PLEKHA5: variants seen among roughly 807,000 people sequenced by gnomAD.
PLEKHA5 encodes pleckstrin homology domain-containing family A member 5.
Under a neutral mutation model 181.9 loss-of-function variants are expected in PLEKHA5, and 55 were observed. The observed-to-expected ratio is 0.30, with a 90% CI of 0.24 to 0.38. PLEKHA5 has a LOEUF of 0.38. PLEKHA5 is among the 10% of genes least tolerant of loss of function. The pLI is 1.00. For missense variants in PLEKHA5, 1,432 were observed against 1,549.5 expected (o/e 0.92, Z 1.27); for synonymous variants, 535 against 529.4 (o/e 1.01, Z -0.15).
intron 3 of PLEKHA5, among the ~76,000 whole-genome samples, chr12:19,211,148 G>T (rs983555805): frequency 1.3e-5 from 2 of 151,978 alleles, no homozygotes; most frequent in Non-Finnish European, 2.9e-5. Context: ...CCAAAGATAT[G>T]AATAAGATAG....
chr12:19,253,808 A>G, intron 3 of PLEKHA5, 132 bp from the exon 4 acceptor site: 2 of 671,722 alleles, frequency 3.0e-6, no homozygotes, highest in Non-Finnish European at 5.2e-6. Flanking sequence ...CGACAAGAAT[A>G]AAACTCCGTC....
At position 19,359,562 on chromosome 12, in the gene PLEKHA5, T is replaced by G; in HGVS notation, c.3483+16T>G. ...CAGCAAAGAGGTAGCGAGATTATTT[T>G]ATGAAAGGTATTCCAAAGGAATAGA... On this transcript the variant is annotated intron_variant, in intron 28 of 31. Transcript: ENST00000429027. 1 of 1,610,470 alleles carries G rather than the reference T, an allele frequency of 6.2e-7. No individual in the cohort carries two copies. The highest frequency in any genetic ancestry group is 8.5e-7 in the Non-Finnish European group (1 of 1,177,086).
At chr12:19,369,656 G>T (rs553835552) in intron 30 of PLEKHA5, 37 bp from the exon 31 acceptor site, 1 of 1,320,428 alleles carries the variant, frequency 7.6e-7, no homozygotes, top group Non-Finnish European at 1.1e-6. Context: ...GTGTCTTAAA[G>T]ATTTTTATCT....
chr12:19,174,069 G>C (rs2046620014), intron 3 of PLEKHA5, among the ~76,000 whole-genome samples: 1 of 152,186 alleles, frequency 6.6e-6, no homozygotes, highest in South Asian at 2.1e-4. Flanking sequence ...TCAGATGGGA[G>C]AAAAGTGATT....
At chr12:19,316,749 G>A (rs1354053085) in intron 16 of PLEKHA5, among the ~76,000 whole-genome samples, 2 of 152,116 alleles carry the variant, frequency 1.3e-5, no homozygotes, top group African/African-American at 4.8e-5. Context: ...TAAAGTGACA[G>A]CCCGACACAT....
chr12:19,343,251 TTAA>T (rs1565641185), intron 21 of PLEKHA5, 69 bp from the exon 22 acceptor site: 4 of 764,358 alleles, frequency 5.2e-6, no homozygotes, highest in Non-Finnish European at 8.3e-6. Flanking sequence ...ATTTATATAA[TTAA>T]TATATAATCA....
Position 19,258,312 on chromosome 12 carries a change from C to T in PLEKHA5, c.537+775C>T, listed in dbSNP as rs369214957. Among the ~76,000 whole-genome samples, 10 of 152,198 alleles carry T rather than the reference C, an allele frequency of 6.6e-5. No homozygotes were observed. In the South Asian group the frequency reaches 2.1e-3, roughly 32 times the overall value. On this transcript the variant is annotated intron_variant, in intron 6 of 31. Transcript: ENST00000429027. ...TGGTAGATAACTGAGGTGACATCCT[C>T]AATCTTCAAGGCTTTTTTCTTTCTG... is the stretch of plus-strand genomic sequence containing the variant.
chr12:19,320,519 T>C, intron 17 of PLEKHA5, 43 bp from the exon 18 acceptor site: 1 of 904,036 alleles, frequency 1.1e-6, no homozygotes, highest in Non-Finnish European at 1.8e-6. Flanking sequence ...AATATATTTT[T>C]AAATAAGATT....
chr12:19,368,021 G>T (rs1204368279), intron 30 of PLEKHA5, among the ~76,000 whole-genome samples: 1 of 151,988 alleles, frequency 6.6e-6, no homozygotes, highest in Non-Finnish European at 1.5e-5. Flanking sequence ...AAAGCATGGG[G>T]TTCTGGGCAG....
chr12:19,195,805 A>G (rs2052575373), intron 3 of PLEKHA5, among the ~76,000 whole-genome samples: 1 of 152,008 alleles, frequency 6.6e-6, no homozygotes, highest in African/African-American at 2.4e-5. Context: ...AAAATAATGT[A>G]TGTATATCAT....
chr12:19,199,336 A>G (rs1462553618), intron 3 of PLEKHA5, among the ~76,000 whole-genome samples: 1 of 152,192 alleles, frequency 6.6e-6, no homozygotes, highest in Non-Finnish European at 1.5e-5. Flanking sequence ...ATAAAATATA[A>G]ATAAAAATCT....
At chr12:19,205,212 T>A (rs952432873) in intron 3 of PLEKHA5, 1 of 167,096 alleles carries the variant, frequency 6.0e-6, no homozygotes. Flanking sequence ...TAGGTCATCA[T>A]ATGCTGAGAT....
chr12:19,169,613 G>A (rs1283152915), intron 3 of PLEKHA5, among the ~76,000 whole-genome samples: 1 of 152,172 alleles, frequency 6.6e-6, no homozygotes, highest in African/African-American at 2.4e-5. Flanking sequence ...AAACAAAATA[G>A]ATAAATTCAG....
At chr12:19,304,755 G>GC (rs2082651403) in intron 15 of PLEKHA5, among the ~76,000 whole-genome samples, 1 of 148,342 alleles carries the variant, frequency 6.7e-6, no homozygotes, top group Non-Finnish European at 1.5e-5. Flanking sequence ...GGGCCGGGGG[G>GC]CTTTTTTTTT....
Position 19,297,342 on chromosome 12 carries a change from G to T in PLEKHA5, c.2037+5645G>T, listed in dbSNP as rs553663917. Among the ~76,000 whole-genome samples, 924 of 151,964 alleles carry T rather than the reference G, an allele frequency of 6.1e-3. 18 individuals are homozygous for T. The highest frequency in any genetic ancestry group is 0.021 in the African/African-American group (878 of 41,436). ...TACAGTTAAAAAAAAAAAAATACAG[G>T]CCGGGCGCGGTGGCTCACGCCTGTA... On this transcript the variant is annotated intron_variant, in intron 15 of 31. Transcript: ENST00000429027.
At chr12:19,320,453 A>G (rs2090348975) in intron 17 of PLEKHA5, 109 bp from the exon 18 acceptor site, 1 of 536,110 alleles carries the variant, frequency 1.9e-6, no homozygotes, top group Admixed American at 3.6e-5. Flanking sequence ...ATTAAAATCT[A>G]TTTTTGTTAT....
chr12:19,248,868 A>T (rs989135203), intron 3 of PLEKHA5, among the ~76,000 whole-genome samples: 1 of 152,208 alleles, frequency 6.6e-6, no homozygotes, highest in Non-Finnish European at 1.5e-5. Context: ...AATTGACCAA[A>T]TACTAATATA....
rs987301548 is a variant in PLEKHA5, at chr12:19,265,394, C to T, written c.611-356C>T. On this transcript the variant is annotated intron_variant, in intron 7 of 31. Transcript: ENST00000429027. ...GTCAAGGAAGGCCTCATTGATGAGACCTTTGAGCAAAGCCTGAAGGATGTA... is the reference window on the plus strand; with the variant it reads ...GTCAAGGAAGGCCTCATTGATGAGATCTTTGAGCAAAGCCTGAAGGATGTA... Among the ~76,000 whole-genome samples the T allele has an allele frequency of 7.2e-5, 11 of 152,204 alleles. No individual in the cohort carries two copies. The South Asian group carries it at 2.1e-3, about 29-fold the overall frequency.
intron 3 of PLEKHA5, among the ~76,000 whole-genome samples, chr12:19,241,407 G>C (rs904284630): frequency 6.6e-6 from 1 of 152,170 alleles, no homozygotes; most frequent in Non-Finnish European, 1.5e-5. Flanking sequence ...TGTTAAGAGA[G>C]TCTTATGTTG....
Sources: gnomAD v4.1 joint callset for allele counts (sites outside exome capture counted in the v4.1 genomes callset) on GRCh38, gnomAD v4.1.1 for gene constraint, MANE v1.5 for transcripts, NCBI Gene and HGNC (gene_info 2026-07-23, HGNC 2026-07-21) for gene names.